The following STARD13 variants were observed in gnomAD, a reference collection of about 807,000 sequenced individuals.
STARD13 encodes the protein stAR-related lipid transfer protein 13.
In STARD13, 62 loss-of-function variants were observed where a neutral mutation model predicts 106.4. That is an observed-to-expected ratio of 0.58 (90% CI 0.48 to 0.72). STARD13 has a LOEUF of 0.72. Ranked by LOEUF, STARD13 falls within the 30% of genes least tolerant of loss-of-function variation. STARD13 has a pLI of 0.00. For missense variants in STARD13, 1,387 were observed against 1,424.0 expected (o/e 0.97, Z 0.42); for synonymous variants, 565 against 553.0 (o/e 1.02, Z -0.31).
chr13:33,604,971 G>C, the STARD13 span, among the ~76,000 whole-genome samples: 11,095 of 152,066 alleles, frequency 0.073, 433 homozygotes, highest in Admixed American at 0.092. Flanking sequence ...GCTGGGTGCT[G>C]TGGCTCTCAC....
intron 1 of STARD13, among the ~76,000 whole-genome samples, chr13:33,294,825 G>C (rs959668257): frequency 6.6e-6 from 1 of 152,088 alleles, no homozygotes. Context: ...TCTTAATGTT[G>C]ACTCAAATTA....
chr13:33,469,526 C>T, the STARD13 span, among the ~76,000 whole-genome samples: 11 of 151,920 alleles, frequency 7.2e-5, no homozygotes, highest in African/African-American at 1.7e-4. Flanking sequence ...TACATTTCAC[C>T]GAACAAATGT....
At chr13:33,499,711 T>C in the STARD13 span, among the ~76,000 whole-genome samples, 2 of 137,332 alleles carry the variant, frequency 1.5e-5, no homozygotes, top group South Asian at 2.3e-4. Context: ...CTCTTCCTCT[T>C]CCTCTCCTTC....
chr13:33,505,864 T>A, the STARD13 span, among the ~76,000 whole-genome samples: 242 of 152,234 alleles, frequency 1.6e-3, no homozygotes, highest in African/African-American at 5.4e-3. Context: ...GTCTGCAGAG[T>A]CCTGGGCATC....
At chr13:33,178,989 C>G (rs1258953166) in intron 1 of STARD13, among the ~76,000 whole-genome samples, 1 of 152,174 alleles carries the variant, frequency 6.6e-6, no homozygotes, top group Non-Finnish European at 1.5e-5. Context: ...CTCTTTAAGG[C>G]AAGACTACTT....
the STARD13 span, among the ~76,000 whole-genome samples, chr13:33,636,233 A>T: frequency 6.6e-6 from 1 of 151,760 alleles, no homozygotes; most frequent in Non-Finnish European, 1.5e-5. Context: ...TGGTAGTAAG[A>T]CTGATTGCGA....
the STARD13 span, among the ~76,000 whole-genome samples, chr13:33,504,511 A>G: frequency 6.6e-6 from 1 of 151,188 alleles, no homozygotes; most frequent in Non-Finnish European, 1.5e-5. Context: ...AAGGCCAGAA[A>G]ATCAAAGACC....
At chr13:33,239,146 G>T (rs965254355) in intron 1 of STARD13, among the ~76,000 whole-genome samples, 2 of 151,958 alleles carry the variant, frequency 1.3e-5, no homozygotes, top group African/African-American at 4.8e-5. Context: ...TTTGTGATTG[G>T]CTTATTTCAC....
At chr13:33,512,359 T>C in the STARD13 span, among the ~76,000 whole-genome samples, 1 of 152,146 alleles carries the variant, frequency 6.6e-6, no homozygotes, top group African/African-American at 2.4e-5. Context: ...GAGTAATAAA[T>C]ACTGTTAAAA....
the STARD13 span, among the ~76,000 whole-genome samples, chr13:33,525,650 C>T: frequency 6.6e-6 from 1 of 152,246 alleles, no homozygotes; most frequent in East Asian, 1.9e-4. Context: ...CCACATCTCT[C>T]TATGTCCAAG....
intron 1 of STARD13, among the ~76,000 whole-genome samples, chr13:33,310,334 T>C (rs955385138): frequency 1.3e-5 from 2 of 152,200 alleles, no homozygotes; most frequent in African/African-American, 4.8e-5. Context: ...AATATTTTCA[T>C]AGGATTATAA....
chr13:33,538,370 G>A, the STARD13 span, among the ~76,000 whole-genome samples: 35 of 152,270 alleles, frequency 2.3e-4, 1 homozygote, highest in South Asian at 6.8e-3. Flanking sequence ...TCCACTGATT[G>A]AGAAAATAAA....
chr13:33,499,375 C>T, the STARD13 span, among the ~76,000 whole-genome samples: 2 of 152,152 alleles, frequency 1.3e-5, no homozygotes, highest in East Asian at 3.9e-4. Flanking sequence ...AGAAGTCCAA[C>T]ATCAAGGTGC....
the STARD13 span, among the ~76,000 whole-genome samples, chr13:33,403,206 C>T: frequency 0.031 from 4,706 of 152,304 alleles, 196 homozygotes; most frequent in East Asian, 0.19. Context: ...TGAGCAACAA[C>T]GATGACCGAA....
intron 1 of STARD13, among the ~76,000 whole-genome samples, chr13:33,247,021 A>C (rs1889855412): frequency 6.6e-6 from 1 of 151,896 alleles, no homozygotes. Flanking sequence ...ACATGGTGAA[A>C]CCCCGTCTCT....
rs1453828148 is a variant in STARD13 at position 33,118,057 on chromosome 13, C to G, written c.2281+8G>C. ...CACGAGAACACCAATCTCATTATTTCCACTTACACTGATAGATATGGAGAA... is the reference window on the plus strand; with the variant it reads ...CACGAGAACACCAATCTCATTATTTGCACTTACACTGATAGATATGGAGAA... On this transcript the variant is annotated splice_region_variant and intron_variant, in intron 8 of 13. Coordinates refer to ENST00000336934, the MANE Select transcript of STARD13 (RefSeq NM_178006.4). 3.1e-6 allele frequency: 5 copies of G among 1,613,766 alleles called. No homozygotes were observed. The highest frequency in any genetic ancestry group is 1.3e-5 in the African/African-American group (1 of 74,914).
the STARD13 span, among the ~76,000 whole-genome samples, chr13:33,486,411 A>G: frequency 6.6e-6 from 1 of 152,188 alleles, no homozygotes; most frequent in Non-Finnish European, 1.5e-5. Context: ...CCTACCTATG[A>G]TAAAATTAAC....
chr13:33,673,508 T>C, the STARD13 span, among the ~76,000 whole-genome samples: 4 of 152,068 alleles, frequency 2.6e-5, no homozygotes, highest in African/African-American at 4.8e-5. Flanking sequence ...TACATTAGTT[T>C]TTTTTCTTGT....
chr13:33,292,474 G>A (rs1158574842), intron 1 of STARD13, among the ~76,000 whole-genome samples: 2 of 151,718 alleles, frequency 1.3e-5, no homozygotes, highest in Non-Finnish European at 1.5e-5. Flanking sequence ...GGTTGTGAGG[G>A]CCTGTAGTCC....
Sources: gnomAD v4.1 joint callset for allele counts (sites outside exome capture counted in the v4.1 genomes callset) on GRCh38, gnomAD v4.1.1 for gene constraint, MANE v1.5 for transcripts, NCBI Gene and HGNC (gene_info 2026-07-23, HGNC 2026-07-21) for gene names.